Variants in DOK5 observed in about 807,000 individuals in gnomAD.
DOK5 encodes the protein downstream of tyrosine kinase 5.
DOK5 carries 27 observed loss-of-function variants against 43.3 expected under a neutral mutation model. That is an observed-to-expected ratio of 0.62 (90% CI 0.46 to 0.86). The LOEUF (loss-of-function observed/expected upper bound fraction) is 0.86, where lower values mean the gene tolerates loss of function less well. Ranked by LOEUF, DOK5 falls within the 40% of genes least tolerant of loss-of-function variation. The pLI is 0.00. For synonymous variants in DOK5, 146 were observed against 140.1 expected, an observed-to-expected ratio of 1.04 and a Z score of -0.30; for missense variants, 373 against 392.9, an observed-to-expected ratio of 0.95 and a Z score of 0.43.
chr20:54,625,189 ATC>A (rs1173996348), intron 6 of DOK5, among the ~76,000 whole-genome samples: 1 of 152,164 alleles, frequency 6.6e-6, no homozygotes, highest in African/African-American at 2.4e-5. Context: ...CCTGCCAAAC[ATC>A]TGTCAGAGCT....
In DOK5 at chr20:54,588,506, G is replaced by A; in HGVS notation, c.198G>A (p.Lys66=). 6.2e-7 allele frequency: 1 copy of A among 1,614,102 alleles called. No individual in the cohort carries two copies. The highest frequency in any genetic ancestry group is 8.5e-7 in the Non-Finnish European group (1 of 1,179,964). The change falls in exon 3 of 8, where the codon AAG becomes AAA. Residue 66 remains lysine, a synonymous_variant. Transcript: ENST00000262593. ...YHKVTELNNV[K]NVARLPKSTK... ...AGGTTACAGAACTCAATAATGTGAA[G>A]AACGTAGCTCGATTGCCAAAAAGCA...
chr20:54,588,372 G>A, intron 2 of DOK5, 111 bp from the exon 3 acceptor site: 2 of 805,896 alleles, frequency 2.5e-6, no homozygotes, highest in Admixed American at 4.2e-5. Flanking sequence ...TTTTCAACAG[G>A]TTGTGCTCAG....
At chr20:54,535,143 C>T (rs1039052445) in intron 1 of DOK5, among the ~76,000 whole-genome samples, 1 of 152,136 alleles carries the variant, frequency 6.6e-6, no homozygotes, top group Non-Finnish European at 1.5e-5. Flanking sequence ...AAACATGTTT[C>T]TTTCCTGGAA....
intron 2 of DOK5, among the ~76,000 whole-genome samples, chr20:54,567,067 G>GC (rs1985124580): frequency 6.6e-6 from 1 of 151,828 alleles, no homozygotes; most frequent in South Asian, 2.1e-4. Context: ...TTGTGTGTGT[G>GC]CGTGTATGTG....
At chr20:54,523,439 G>A (rs981339096) in intron 1 of DOK5, among the ~76,000 whole-genome samples, 2 of 151,916 alleles carry the variant, frequency 1.3e-5, no homozygotes, top group Non-Finnish European at 2.9e-5. Flanking sequence ...GGTGGCCCAT[G>A]CCTGTTATCC....
At chr20:54,536,965 G>A (rs1305027655) in intron 1 of DOK5, among the ~76,000 whole-genome samples, 2 of 152,208 alleles carry the variant, frequency 1.3e-5, no homozygotes, top group African/African-American at 4.8e-5. Flanking sequence ...GTAGGAATGA[G>A]GTGCTCCTTC....
intron 2 of DOK5, among the ~76,000 whole-genome samples, chr20:54,572,985 G>A (rs558461650): frequency 6.6e-6 from 1 of 152,282 alleles, no homozygotes; most frequent in South Asian, 2.1e-4. Context: ...TTGGCAATGT[G>A]GATTTGGTGG....
At chr20:54,619,555 G>C (rs899641826) in intron 6 of DOK5, among the ~76,000 whole-genome samples, 1 of 152,208 alleles carries the variant, frequency 6.6e-6, no homozygotes, top group Non-Finnish European at 1.5e-5. Context: ...GCTCCGGGTG[G>C]GGTGAGGGGG....
At chr20:54,517,524 CT>C (rs1248925129) in intron 1 of DOK5, among the ~76,000 whole-genome samples, 1 of 152,100 alleles carries the variant, frequency 6.6e-6, no homozygotes, top group African/African-American at 2.4e-5. Flanking sequence ...TAATATTTCT[CT>C]GTTAGTTTCC....
chr20:54,493,956 T>G (rs765840789), intron 1 of DOK5, among the ~76,000 whole-genome samples: 8 of 152,116 alleles, frequency 5.3e-5, no homozygotes, highest in Non-Finnish European at 8.8e-5. Context: ...AAATTAAAAA[T>G]TAAATATTTC....
At chr20:54,498,163 T>C (rs1478333931) in intron 1 of DOK5, among the ~76,000 whole-genome samples, 1 of 152,170 alleles carries the variant, frequency 6.6e-6, no homozygotes, top group Admixed American at 6.5e-5. Context: ...CACTGTATAT[T>C]TTGTGTTGCA....
intron 5 of DOK5, among the ~76,000 whole-genome samples, chr20:54,594,448 G>A (rs1185553205): frequency 6.6e-6 from 1 of 151,924 alleles, no homozygotes; most frequent in Non-Finnish European, 1.5e-5. Context: ...AATTTTTTTT[G>A]GTAAGGTTGG....
rs1979662689 is a variant in DOK5 at position 54,650,822 on chromosome 20, T to G, written c.*343T>G. The G allele has an allele frequency of 1.1e-5, 2 of 188,798 alleles. No individual in the cohort carries two copies. Among genetic ancestry groups the G allele is most frequent in the South Asian group, 3.4e-4 (2 of 5,930 alleles). 11.7% of individuals were successfully genotyped at this position (188,798 alleles called of 1,614,324 possible). ...CTGTCCTTTTGTGGATTCTTGTGAT[T>G]TTCCTTCCAAGTGTTTCAGTTGTAT... On this transcript the variant is annotated 3_prime_UTR_variant, in exon 8 of 8. Coordinates refer to ENST00000262593, the MANE Select transcript of DOK5 (RefSeq NM_018431.5).
intron 6 of DOK5, among the ~76,000 whole-genome samples, chr20:54,634,761 CTT>C (rs1215364485): frequency 9.6e-4 from 136 of 141,798 alleles, no homozygotes; most frequent in African/African-American, 3.5e-3. Flanking sequence ...CTACTATCTG[CTT>C]TTTTTTTTTT....
chr20:54,475,767 G>T lies in DOK5; in HGVS notation c.-180G>T. The T allele has an allele frequency of 1.3e-6, 1 of 760,804 alleles. No individual in the cohort carries two copies. Among genetic ancestry groups the T allele is most frequent in the Non-Finnish European group, 2.1e-6 (1 of 473,498 alleles). The allele number at this position is 760,804 out of a possible 1,614,324, so 47.1% of individuals were successfully genotyped here. On this transcript the variant is annotated 5_prime_UTR_variant, in exon 1 of 8. It adds an upstream start codon to the 5' untranslated region. Transcript: ENST00000262593. The surrounding 1 kb of genome is among the most constrained non-coding windows in gnomAD (Gnocchi z 4.2). ...GCTGCAAGCCGGCCGCCCACTGTCA[G>T]GGTTGGGGGGACAGAGAAAGTGATG... is the stretch of plus-strand genomic sequence containing the variant.
intron 7 of DOK5, 112 bp downstream of exon 7, chr20:54,643,690 C>T: frequency 7.2e-7 from 1 of 1,389,984 alleles, no homozygotes; most frequent in East Asian, 2.5e-5. Context: ...GCCCTTCCTC[C>T]AAAGGTAGGA....
intron 1 of DOK5, among the ~76,000 whole-genome samples, chr20:54,504,632 G>C (rs1439989292): frequency 1.3e-5 from 2 of 152,190 alleles, no homozygotes; most frequent in Non-Finnish European, 2.9e-5. Flanking sequence ...TGGAGATGGT[G>C]TCATGCTATC....
At chr20:54,507,182 C>T (rs1982842327) in intron 1 of DOK5, among the ~76,000 whole-genome samples, 1 of 152,034 alleles carries the variant, frequency 6.6e-6, no homozygotes. Flanking sequence ...AACACCCTGC[C>T]TTTAAGGAGA....
At chr20:54,540,625 C>T (rs7265504) in intron 1 of DOK5, among the ~76,000 whole-genome samples, 3,715 of 152,100 alleles carry the variant, frequency 0.024, 148 homozygotes, top group African/African-American at 0.085. Context: ...ATTGATCCTT[C>T]CCCACCTCAG....
Sources: allele counts gnomAD v4.1 joint callset (sites outside exome capture counted in the v4.1 genomes callset), GRCh38; gene constraint gnomAD v4.1.1; non-coding constraint Gnocchi (gnomAD v3.1); transcripts MANE v1.5; gene names NCBI Gene and HGNC (gene_info 2026-07-23, HGNC 2026-07-21).